The following SHQ1 variants were observed in gnomAD, a reference collection of about 807,000 sequenced individuals.
The protein encoded by SHQ1 is SHQ1, H/ACA ribonucleoprotein assembly factor, also known as protein SHQ1 homolog.
SHQ1 carries 49 observed loss-of-function variants against 53.8 expected under a neutral mutation model. The observed-to-expected ratio is 0.91, with a 90% CI of 0.72 to 1.16. SHQ1 has a LOEUF of 1.16. Among genes scored for constraint, SHQ1 ranks in the 50% most tolerant of loss-of-function variants. The pLI is 0.00. For missense variants in SHQ1, 738 were observed against 683.1 expected (o/e 1.08, Z -0.90); for synonymous variants, 243 against 251.0 (o/e 0.97, Z 0.30).
At chr3:72,751,504 G>GTATA (rs1233066493) in intron 10 of SHQ1, among the ~76,000 whole-genome samples, 6 of 118,154 alleles carry the variant, frequency 5.1e-5, no homozygotes, top group African/African-American at 2.6e-4. Flanking sequence ...GTGTGTGTGT[G>GTATA]TGTGTATATA....
chr3:72,801,489 T>C (rs762995863), intron 9 of SHQ1, among the ~76,000 whole-genome samples: 6 of 152,082 alleles, frequency 3.9e-5, no homozygotes, highest in East Asian at 1.9e-4. Flanking sequence ...TAGGAGTATA[T>C]AGGAAGAAAG....
At chr3:72,822,318 T>C (rs1707500709) in intron 6 of SHQ1, among the ~76,000 whole-genome samples, 1 of 152,108 alleles carries the variant, frequency 6.6e-6, no homozygotes, top group South Asian at 2.1e-4. Flanking sequence ...TTGCAGACTA[T>C]GACTGTTCCT....
the SHQ1 span, among the ~76,000 whole-genome samples, chr3:72,735,792 G>A: frequency 5.5e-4 from 66 of 120,314 alleles, no homozygotes; most frequent in African/African-American, 1.9e-3. Context: ...CAGGCAGGCA[G>A]GCAGGCATTT....
intron 10 of SHQ1, among the ~76,000 whole-genome samples, chr3:72,760,860 T>C (rs1056098888): frequency 2.0e-5 from 3 of 152,204 alleles, no homozygotes; most frequent in African/African-American, 4.8e-5. Context: ...CAAAAGTCCC[T>C]GGCAGAAAAT....
chr3:72,780,683 A>C (rs1254158025), intron 10 of SHQ1, among the ~76,000 whole-genome samples: 2 of 152,240 alleles, frequency 1.3e-5, no homozygotes, highest in Non-Finnish European at 2.9e-5. Context: ...ATACACACCG[A>C]AAGTGGCAAG....
intron 10 of SHQ1, among the ~76,000 whole-genome samples, chr3:72,777,964 C>T (rs9827405): frequency 0.33 from 49,670 of 152,026 alleles, 9,967 homozygotes; most frequent in African/African-American, 0.56. Context: ...ATACATATAG[C>T]ATGATTCCAT....
chr3:72,835,426 C>T (rs1425486679), intron 4 of SHQ1, among the ~76,000 whole-genome samples: 1 of 152,108 alleles, frequency 6.6e-6, no homozygotes, highest in Non-Finnish European at 1.5e-5. Context: ...CAAAGCCTCC[C>T]CTCCACTTCC....
At chr3:72,834,049 T>C (rs1399882974) in intron 4 of SHQ1, among the ~76,000 whole-genome samples, 1 of 152,252 alleles carries the variant, frequency 6.6e-6, no homozygotes, top group East Asian at 1.9e-4. Context: ...CAAAAACCAC[T>C]GCAACAAATG....
In SHQ1 at chr3:72,765,563, T is replaced by A. The variant is rs1236465368; in HGVS notation, c.1182-14727A>T. ...TATATATATATATATATATATTTTT[T>A]TTTTTTTTTTGAGACAGTCTCACTC... is the stretch of plus-strand genomic sequence containing the variant. On this transcript the variant is annotated intron_variant, in intron 10 of 10. Transcript: ENST00000325599. Among the ~76,000 whole-genome samples, 318 of 125,842 alleles carry A rather than the reference T, an allele frequency of 2.5e-3. 3 individuals carry two copies. Among genetic ancestry groups the A allele is most frequent in the African/African-American group, 0.01 (268 of 25,786 alleles). 82.6% of individuals were successfully genotyped at this position (125,842 alleles called of 152,430 possible).
chr3:72,773,494 A>AAAAAAAAAAAG (rs1466854649), intron 10 of SHQ1: 9 of 263,470 alleles, frequency 3.4e-5, no homozygotes, highest in African/African-American at 1.7e-4. Context: ...AAAAAAAAAA[A>AAAAAAAAAAAG]AAAGAAAAAA....
At chr3:72,797,190 G>A (rs566284691) in intron 9 of SHQ1, among the ~76,000 whole-genome samples, 1 of 152,166 alleles carries the variant, frequency 6.6e-6, no homozygotes, top group Admixed American at 6.5e-5. Flanking sequence ...CCCAGGAGGC[G>A]GAGGCTGCAG....
At chr3:72,753,594 T>A (rs1705435805) in intron 10 of SHQ1, 3 of 985,242 alleles carry the variant, frequency 3.0e-6, no homozygotes, top group Non-Finnish European at 3.6e-6. Context: ...GTCACCATCG[T>A]TGATGGGTAG....
At chr3:72,739,284 T>C in the SHQ1 span, among the ~76,000 whole-genome samples, 37,771 of 151,600 alleles carry the variant, frequency 0.25, 4,912 homozygotes, top group African/African-American at 0.29. Context: ...ACAGAGATCC[T>C]GCCCATCCAC....
intron 1 of SHQ1, among the ~76,000 whole-genome samples, chr3:72,847,471 T>C (rs1373301920): frequency 1.2e-4 from 18 of 152,094 alleles, no homozygotes; most frequent in Admixed American, 9.2e-4. Flanking sequence ...TTAAATGAGA[T>C]ACACCATCAT....
chr3:72,778,475 G>GA (rs1219842637), intron 10 of SHQ1, among the ~76,000 whole-genome samples: 3 of 149,984 alleles, frequency 2.0e-5, no homozygotes, highest in African/African-American at 5.0e-5. Flanking sequence ...GAAAAGAAAA[G>GA]AAAAAAAAGA....
intron 10 of SHQ1, among the ~76,000 whole-genome samples, chr3:72,787,273 A>C (rs1706261347): frequency 6.6e-6 from 1 of 152,228 alleles, no homozygotes; most frequent in South Asian, 2.1e-4. Flanking sequence ...GAATTTCAAA[A>C]ACACTTTTTT....
At chr3:72,744,000 C>T in the SHQ1 span, among the ~76,000 whole-genome samples, 5 of 152,154 alleles carry the variant, frequency 3.3e-5, no homozygotes, top group South Asian at 6.2e-4. Flanking sequence ...GGGAGAGCAA[C>T]GCAGGAGCAA....
At chr3:72,807,716 A>G (rs1706993658) in intron 9 of SHQ1, among the ~76,000 whole-genome samples, 1 of 152,244 alleles carries the variant, frequency 6.6e-6, no homozygotes, top group African/African-American at 2.4e-5. Context: ...TGTTTTAAAC[A>G]TCCATTATTC....
At chr3:72,789,252 C>A (rs576000482) in intron 10 of SHQ1, among the ~76,000 whole-genome samples, 1 of 152,252 alleles carries the variant, frequency 6.6e-6, no homozygotes, top group South Asian at 2.1e-4. Flanking sequence ...TATTACAGTT[C>A]ATTATTTTCT....
Sources: allele counts gnomAD v4.1 joint callset (sites outside exome capture counted in the v4.1 genomes callset), GRCh38; gene constraint gnomAD v4.1.1; transcripts MANE v1.5; gene names NCBI Gene and HGNC (gene_info 2026-07-23, HGNC 2026-07-21).